KDM4B: variants seen among roughly 807,000 people sequenced by gnomAD.
KDM4B encodes the protein lysine demethylase 4B.
KDM4B carries 32 observed loss-of-function variants against 125.2 expected under a neutral mutation model. That is an observed-to-expected ratio of 0.26 (90% confidence interval 0.19 to 0.34). The LOEUF is 0.34. Among genes scored for constraint, KDM4B ranks in the 10% least tolerant of loss-of-function variants. The pLI, the probability that KDM4B is intolerant of heterozygous loss-of-function variation, is 1.00. For missense variants in KDM4B, 1,190 were observed against 1,577.7 expected (o/e 0.75, Z 4.16); for synonymous variants, 721 against 677.9 (o/e 1.06, Z -0.99).
chr19:4,994,093 C>T (rs1395972210), intron 1 of KDM4B, among the ~76,000 whole-genome samples: 1 of 143,892 alleles, frequency 6.9e-6, no homozygotes, highest in Non-Finnish European at 1.5e-5. Flanking sequence ...TCCCGGCATG[C>T]ACCACCATAC....
intron 7 of KDM4B, chr19:5,076,650 C>G (rs1234209680): frequency 2.4e-5 from 4 of 163,418 alleles, no homozygotes; most frequent in Admixed American, 6.5e-5. Flanking sequence ...CGTGCTCTCT[C>G]GTTGAATGAG....
In KDM4B at chr19:5,020,243, T is replaced by C. The variant is rs530742359; in HGVS notation, c.-26+3904T>C. On this transcript the variant is annotated intron_variant, in intron 2 of 22. Coordinates refer to ENST00000159111, the MANE Select transcript of KDM4B (RefSeq NM_015015.3). ...TGTTAGTGTGCAGGTGTTGTTGATG[T>C]TGGTGTGGGTGTTGGTGTACAGGTG... Among the ~76,000 whole-genome samples the C allele has an allele frequency of 1.6e-4, 23 of 147,568 alleles. No homozygotes were observed. In the South Asian group the frequency reaches 3.9e-3, roughly 25 times the overall value.
rs1380101435 is a variant in KDM4B at position 5,078,496 on chromosome 19, A to G, written c.780+1026A>G. 1 of 151,922 alleles carries G rather than the reference A, an allele frequency of 6.6e-6. No homozygotes were observed. Among genetic ancestry groups the G allele is most frequent in the Non-Finnish European group, 1.5e-5 (1 of 68,002 alleles). The allele number at this position is 151,922 out of a possible 1,614,324, so 9.4% of individuals were successfully genotyped here. On this transcript the variant is annotated intron_variant, in intron 8 of 22. Transcript: ENST00000159111. The surrounding 1 kb of genome is among the most constrained non-coding windows in gnomAD (Gnocchi z 4.5). ...CAGACAGCACAGATCTCGCTCGGAG[A>G]AGTGCGCATTTCCGGCCTTTCCTCT...
intron 10 of KDM4B, chr19:5,119,305 G>GTC: frequency 6.2e-6 from 6 of 970,122 alleles, no homozygotes; most frequent in Non-Finnish European, 9.3e-6. Context: ...CTGTGTCTCT[G>GTC]TCCCGTGGCA....
chr19:5,109,429 C>T (rs1205391387), intron 9 of KDM4B, among the ~76,000 whole-genome samples: 1 of 152,198 alleles, frequency 6.6e-6, no homozygotes, highest in Non-Finnish European at 1.5e-5. Flanking sequence ...CCCAGTGTGA[C>T]CAAAGTGACG....
intron 22 of KDM4B, 67 bp from the exon 23 acceptor site, chr19:5,151,268 A>T: frequency 7.6e-7 from 1 of 1,317,904 alleles, no homozygotes; most frequent in Non-Finnish European, 9.9e-7. Flanking sequence ...CAGAGGCCAT[A>T]GACAGTGGCT....
At chr19:5,016,510 A>G (rs1054823015) in intron 2 of KDM4B, among the ~76,000 whole-genome samples, 171 bp downstream of exon 2, 2 of 152,246 alleles carry the variant, frequency 1.3e-5, no homozygotes, top group Admixed American at 1.3e-4. Context: ...GGGCCATGGT[A>G]GGGAGGTTCT....
chr19:5,120,795 A>G (rs1180876868), intron 11 of KDM4B, among the ~76,000 whole-genome samples: 1 of 152,004 alleles, frequency 6.6e-6, no homozygotes, highest in African/African-American at 2.4e-5. Flanking sequence ...TCCAGGTGCC[A>G]TGCAGGGAGC....
intron 9 of KDM4B, among the ~76,000 whole-genome samples, chr19:5,086,365 G>A (rs1470277747): frequency 6.6e-6 from 1 of 152,150 alleles, no homozygotes; most frequent in Non-Finnish European, 1.5e-5. Flanking sequence ...TGCAAACTGA[G>A]CAGGGGGTTT....
intron 1 of KDM4B, among the ~76,000 whole-genome samples, chr19:5,004,433 C>T (rs1463190591): frequency 2.0e-5 from 3 of 152,182 alleles, no homozygotes; most frequent in Admixed American, 6.5e-5. Context: ...TGCTGCCCCC[C>T]GGGCTCATAC....
chr19:5,068,747 G>C (rs924030084), intron 6 of KDM4B, among the ~76,000 whole-genome samples: 1 of 152,242 alleles, frequency 6.6e-6, no homozygotes, highest in Non-Finnish European at 1.5e-5. Flanking sequence ...AGAGTCCTTT[G>C]TGATTTCTGT....
chr19:5,070,735 G>T, intron 6 of KDM4B: 1 of 380,068 alleles, frequency 2.6e-6, no homozygotes. Context: ...CGCTTAACCG[G>T]GAGCATCCCC....
At chr19:5,132,529 G>A (rs1031118256) in intron 13 of KDM4B, among the ~76,000 whole-genome samples, 1 of 152,126 alleles carries the variant, frequency 6.6e-6, no homozygotes, top group Admixed American at 6.5e-5. Flanking sequence ...CATCCTGCAT[G>A]CAATTGGAGG....
At chr19:5,120,629 G>A (rs2039343598) in intron 11 of KDM4B, among the ~76,000 whole-genome samples, 1 of 152,240 alleles carries the variant, frequency 6.6e-6, no homozygotes, top group South Asian at 2.1e-4. Flanking sequence ...CCACCTGTGA[G>A]TGTGTAAAGG....
chr19:5,012,864 C>T (rs2035773012), intron 1 of KDM4B, among the ~76,000 whole-genome samples: 1 of 152,232 alleles, frequency 6.6e-6, no homozygotes, highest in South Asian at 2.1e-4. Flanking sequence ...CATTTGTGCA[C>T]TGATGGAAGG....
intron 9 of KDM4B, among the ~76,000 whole-genome samples, chr19:5,106,665 A>G (rs1186815528): frequency 1.3e-5 from 2 of 152,216 alleles, no homozygotes; most frequent in Non-Finnish European, 2.9e-5. Context: ...GGCACTGTCC[A>G]GGCCCCCAGA....
At position 5,111,511 on chromosome 19, in the gene KDM4B, C is replaced by G. The variant is rs768577402; in HGVS notation, c.1115+693C>G. 10 of 765,030 alleles carry G rather than the reference C, an allele frequency of 1.3e-5. No individual in the cohort carries two copies. The African/African-American group carries it at 1.5e-4, about 12-fold the overall frequency. The allele number at this position is 765,030 out of a possible 1,614,324, so 47.4% of individuals were successfully genotyped here. A position where few individuals can be genotyped will look rare whatever the true frequency, so the allele number is the denominator to read the frequency against. ...TGGGGACACGGAGGCAGGTCCCGGC[C>G]TAGGAGGAGATCCACTTCATGCCCA... On this transcript the variant is annotated intron_variant, in intron 10 of 22. Coordinates refer to ENST00000159111, the MANE Select transcript of KDM4B (RefSeq NM_015015.3).
chr19:5,034,708 C>T (rs1003937167), intron 3 of KDM4B, among the ~76,000 whole-genome samples: 8 of 152,180 alleles, frequency 5.3e-5, no homozygotes, highest in Admixed American at 4.6e-4. Context: ...CAGTAGCCTT[C>T]GTCTCTCTCC....
chr19:5,091,742 G>GA (rs1454401678), intron 9 of KDM4B, among the ~76,000 whole-genome samples: 1 of 150,770 alleles, frequency 6.6e-6, no homozygotes, highest in Non-Finnish European at 1.5e-5. Flanking sequence ...GGCGGCAGAA[G>GA]GCAGGGGCTG....
Sources: allele counts gnomAD v4.1 joint callset (sites outside exome capture counted in the v4.1 genomes callset), GRCh38; gene constraint gnomAD v4.1.1; non-coding constraint Gnocchi (gnomAD v3.1); transcripts MANE v1.5; gene names NCBI Gene and HGNC (gene_info 2026-07-23, HGNC 2026-07-21).